MBNL1: variants seen among roughly 807,000 people sequenced by gnomAD.
MBNL1 encodes muscleblind like splicing regulator 1.
MBNL1 carries 8 observed loss-of-function variants against 42.2 expected under a neutral mutation model. The observed-to-expected ratio is 0.19, with a 90% confidence interval of 0.11 to 0.34. The LOEUF (loss-of-function observed/expected upper bound fraction) is 0.34, where lower values mean the gene tolerates loss of function less well. Among genes scored for constraint, MBNL1 ranks in the 10% least tolerant of loss-of-function variants. The probability of loss-of-function intolerance (pLI) is 1.00; values close to 1 mark genes in which losing one functional copy is unlikely to be tolerated. For synonymous variants in MBNL1, 169 were observed against 173.9 expected, an observed-to-expected ratio of 0.97 and a Z score of 0.22; for missense variants, 309 against 495.3, an observed-to-expected ratio of 0.62 and a Z score of 3.57.
At chr3:152,247,239 G>A (rs919241352) in intron 2 of MBNL1, among the ~76,000 whole-genome samples, 3 of 151,952 alleles carry the variant, frequency 2.0e-5, no homozygotes, top group African/African-American at 7.3e-5. Flanking sequence ...GGGTCTTTCA[G>A]CCATTTAAAA....
upstream of MBNL1, chr3:152,263,359 C>T (rs921731712): frequency 1.2e-4 from 18 of 152,168 alleles, no homozygotes; most frequent in African/African-American, 4.3e-4. Context: ...TCACTAATTT[C>T]GAATTTTCTA....
In MBNL1 at chr3:152,300,216, T is replaced by A; in HGVS notation, c.23T>A (p.Ile8Asn). MAVSVTP[I>N]RDTKWLTLEV... ...AACATGGCTGTTAGTGTCACACCAA[T>A]TCGGGACACAAAATGGCTAACACTG... Residue 8 changes from isoleucine to asparagine, a missense_variant, in exon 2 of 10, where the codon ATT becomes AAT. Coordinates refer to ENST00000324210, the MANE Select transcript of MBNL1 (RefSeq NM_021038.5). The A allele has an allele frequency of 6.2e-7, 1 of 1,608,694 alleles. No individual in the cohort carries two copies. Among genetic ancestry groups the A allele is most frequent in the African/African-American group, 1.3e-5 (1 of 74,826 alleles).
chr3:152,443,319 T>C (rs973214608), intron 4 of MBNL1, among the ~76,000 whole-genome samples: 3 of 151,996 alleles, frequency 2.0e-5, no homozygotes, highest in Admixed American at 6.6e-5. Context: ...CCAATTCATT[T>C]TGAGCATATT....
chr3:152,443,508 A>ACACACACACACACACACACAC (rs61600245), intron 4 of MBNL1, among the ~76,000 whole-genome samples: 2 of 151,020 alleles, frequency 1.3e-5, no homozygotes, highest in Admixed American at 1.3e-4. Context: ...ACACACACAC[A>ACACACACACACACACACACAC]ACTTTTTATC....
chr3:152,367,443 A>G (rs1578802012), intron 2 of MBNL1, among the ~76,000 whole-genome samples: 1 of 151,936 alleles, frequency 6.6e-6, no homozygotes, highest in African/African-American at 2.4e-5. Flanking sequence ...GGGCATTTGG[A>G]TCGGTTCCAA....
chr3:152,415,109 G>T lies in MBNL1; in HGVS notation c.343G>T (p.Val115Leu). 1 of 1,573,960 alleles carries T rather than the reference G, an allele frequency of 6.4e-7. No individual in the cohort carries two copies. Among genetic ancestry groups the T allele is most frequent in the Non-Finnish European group, 8.6e-7 (1 of 1,163,130 alleles). Residue 115 changes from valine to leucine, a missense_variant and splice_region_variant, in exon 3 of 10, where the codon GTG (valine) becomes TTG (leucine). Transcript: ENST00000324210. The stretch of plus-strand genomic sequence containing the variant: ...GATGCCTGGTGCCCCATTACAACCC[G>T]TGGTAAGCATGTTTTCAGTCTTCAC... The part of the protein sequence containing the change: ...AMMPGAPLQP[V>L]PMFSVAPSLA...
intron 2 of MBNL1, among the ~76,000 whole-genome samples, chr3:152,403,934 T>TGA (rs1337282673): frequency 1.3e-5 from 2 of 152,256 alleles, no homozygotes; most frequent in Middle Eastern, 6.8e-3. Flanking sequence ...CCAGTGTCAT[T>TGA]GAGCACATTT....
chr3:152,263,545 A>G (rs895286492), upstream of MBNL1: 1 of 152,142 alleles, frequency 6.6e-6, no homozygotes, highest in East Asian at 1.9e-4. Context: ...ACCAAATCAC[A>G]TTCCGCTGCT....
chr3:152,277,087 A>G (rs2045672078), intron 1 of MBNL1, among the ~76,000 whole-genome samples: 2 of 152,306 alleles, frequency 1.3e-5, no homozygotes, highest in Non-Finnish European at 2.9e-5. Context: ...TAAGAATTAT[A>G]TAAAATATCA....
intron 2 of MBNL1, among the ~76,000 whole-genome samples, chr3:152,353,702 A>G (rs2095288058): frequency 9.0e-6 from 1 of 111,546 alleles, no homozygotes; most frequent in Non-Finnish European, 1.8e-5. Flanking sequence ...CTTATAGTCC[A>G]TTTTGAAAAT....
intron 2 of MBNL1, among the ~76,000 whole-genome samples, chr3:152,322,553 T>C (rs1302361587): frequency 1.3e-5 from 2 of 152,048 alleles, no homozygotes; most frequent in Admixed American, 6.6e-5. Flanking sequence ...AAAATACATC[T>C]ATATTATCTC....
chr3:152,437,144 A>G (rs1273595503), intron 4 of MBNL1, among the ~76,000 whole-genome samples: 1 of 152,162 alleles, frequency 6.6e-6, no homozygotes, highest in Non-Finnish European at 1.5e-5. Context: ...TTAAATGTAT[A>G]CTCTACTTCT....
chr3:152,445,225 C>T (rs1157824328), intron 4 of MBNL1, 57 bp from the exon 5 acceptor site: 2 of 1,502,974 alleles, frequency 1.3e-6, no homozygotes, highest in Non-Finnish European at 1.8e-6. Flanking sequence ...TTAAAATCTT[C>T]AGAAAGCTTC....
At chr3:152,338,283 C>T (rs2091857970) in intron 2 of MBNL1, 1 of 985,394 alleles carries the variant, frequency 1.0e-6, no homozygotes, top group South Asian at 4.7e-5. Flanking sequence ...CCAATTGTTC[C>T]TCTTCTCCCA....
intron 6 of MBNL1, 140 bp downstream of exon 6, chr3:152,447,913 T>C: frequency 1.6e-6 from 1 of 606,538 alleles, no homozygotes; most frequent in Non-Finnish European, 2.7e-6. Context: ...GAAACTTATC[T>C]GAGGTATCTC....
At chr3:152,448,008 T>G (rs1397377795) in intron 6 of MBNL1, among the ~76,000 whole-genome samples, 3 of 152,230 alleles carry the variant, frequency 2.0e-5, no homozygotes, top group Non-Finnish European at 4.4e-5. Flanking sequence ...TTATTTGTGT[T>G]TGTGTAATTT....
intron 2 of MBNL1, among the ~76,000 whole-genome samples, chr3:152,402,756 G>T (rs1470070703): frequency 6.6e-6 from 1 of 152,182 alleles, no homozygotes; most frequent in Non-Finnish European, 1.5e-5. Context: ...TCAGTTTATG[G>T]ACCCTGAAAG....
intron 2 of MBNL1, among the ~76,000 whole-genome samples, chr3:152,306,618 G>A (rs1373993377): frequency 2.6e-5 from 4 of 152,036 alleles, no homozygotes; most frequent in Admixed American, 6.6e-5. Context: ...TGTTTGTTTT[G>A]TTTTGTTTTT....
intron 2 of MBNL1, among the ~76,000 whole-genome samples, chr3:152,405,803 T>C (rs2098412997): frequency 6.6e-6 from 1 of 152,198 alleles, no homozygotes; most frequent in South Asian, 2.1e-4. Flanking sequence ...AAAGGCATGC[T>C]CTACACATAG....
Sources: gnomAD v4.1 joint callset for allele counts (sites outside exome capture counted in the v4.1 genomes callset) on GRCh38, gnomAD v4.1.1 for gene constraint, MANE v1.5 for transcripts, NCBI Gene and HGNC (gene_info 2026-07-23, HGNC 2026-07-21) for gene names.